GRM1: variants seen among roughly 807,000 people sequenced by gnomAD.
GRM1 encodes the protein metabotropic glutamate receptor 1.
Under a neutral mutation model 90.9 loss-of-function variants are expected in GRM1, and 33 were observed. The observed-to-expected ratio is 0.36, with a 90% CI of 0.28 to 0.49. The LOEUF is 0.49. Among genes scored for constraint, GRM1 ranks in the 20% least tolerant of loss-of-function variants. The pLI is 0.99. For synonymous variants in GRM1, 700 were observed against 613.2 expected (o/e 1.14, Z -2.09); for missense variants, 1,190 against 1,534.3 (o/e 0.78, Z 3.75).
At chr6:146,246,799 T>G (rs1781075133) in intron 2 of GRM1, among the ~76,000 whole-genome samples, 1 of 152,204 alleles carries the variant, frequency 6.6e-6, no homozygotes, top group African/African-American at 2.4e-5. Context: ...CTCTTTTGGT[T>G]CCAAGTTATA....
At chr6:146,073,444 A>G (rs1355686513) in intron 1 of GRM1, among the ~76,000 whole-genome samples, 6 of 152,176 alleles carry the variant, frequency 3.9e-5, no homozygotes, top group Admixed American at 3.9e-4. Context: ...CTTGTTTGCT[A>G]TGCAAATGGC....
At chr6:146,118,576 T>G (rs1775855125) in intron 1 of GRM1, among the ~76,000 whole-genome samples, 1 of 152,246 alleles carries the variant, frequency 6.6e-6, no homozygotes, top group African/African-American at 2.4e-5. Flanking sequence ...TATCTCCTAA[T>G]GCTATCCCTC....
chr6:146,078,568 T>C (rs977122369), intron 1 of GRM1, among the ~76,000 whole-genome samples: 1 of 152,168 alleles, frequency 6.6e-6, no homozygotes, highest in African/African-American at 2.4e-5. Flanking sequence ...TGGCATAAAA[T>C]GTGGATATAG....
At chr6:146,340,681 G>T (rs1784941825) in intron 3 of GRM1, among the ~76,000 whole-genome samples, 2 of 152,182 alleles carry the variant, frequency 1.3e-5, no homozygotes, top group Non-Finnish European at 2.9e-5. Context: ...AAGCAGCTGG[G>T]ACTACAGGCA....
Position 146,270,843 on chromosome 6 carries a change from C to CTT in GRM1, c.951-33766_951-33765dup, listed in dbSNP as rs1393238681. ...TCTGCCTGCCTGCCTGCCTGCCTTTCTTTCTTTTTCTTTCTTTCTTTCTTT... is the reference window on the plus strand; with the variant it reads ...TCTGCCTGCCTGCCTGCCTGCCTTTCTTTTTCTTTTTCTTTCTTTCTTTCTTT... On this transcript the variant is annotated intron_variant, in intron 2 of 7. Transcript: ENST00000282753. Among the ~76,000 whole-genome samples, 193 of 128,556 alleles carry CTT rather than the reference C, an allele frequency of 1.5e-3. 2 individuals are homozygous for CTT. The highest frequency in any genetic ancestry group is 5.0e-3 in the African/African-American group (131 of 26,336). 84.3% of individuals were successfully genotyped at this position (128,556 alleles called of 152,430 possible). A position where few individuals can be genotyped will look rare whatever the true frequency, so the allele number is the denominator to read the frequency against.
intron 7 of GRM1, among the ~76,000 whole-genome samples, chr6:146,403,884 T>C (rs749763231): frequency 5.9e-5 from 9 of 152,176 alleles, no homozygotes; most frequent in African/African-American, 1.2e-4. Flanking sequence ...TTTCAATACC[T>C]GAATGCCATG....
chr6:146,118,959 A>G (rs1775872346), intron 1 of GRM1, among the ~76,000 whole-genome samples: 1 of 152,218 alleles, frequency 6.6e-6, no homozygotes, highest in Non-Finnish European at 1.5e-5. Context: ...TATACCCAGT[A>G]ATGGGATTGC....
intron 2 of GRM1, among the ~76,000 whole-genome samples, chr6:146,170,059 C>CT (rs889989875): frequency 7.9e-5 from 12 of 152,042 alleles, no homozygotes; most frequent in South Asian, 4.2e-4. Context: ...TGGCTAACAA[C>CT]TTTTTTTTCC....
chr6:146,095,825 C>T (rs546851797), intron 1 of GRM1, among the ~76,000 whole-genome samples: 2 of 152,208 alleles, frequency 1.3e-5, no homozygotes, highest in South Asian at 4.2e-4. Context: ...TTGGAGGGAG[C>T]TTGACTTAGA....
chr6:146,074,354 A>G (rs1034894658), intron 1 of GRM1, among the ~76,000 whole-genome samples: 3 of 152,042 alleles, frequency 2.0e-5, no homozygotes, highest in Admixed American at 1.3e-4. Flanking sequence ...AAGAAGAGTA[A>G]TAAGGATGAT....
At chr6:146,087,761 C>T (rs916964538) in intron 1 of GRM1, among the ~76,000 whole-genome samples, 8 of 152,264 alleles carry the variant, frequency 5.3e-5, no homozygotes, top group Non-Finnish European at 7.4e-5. Context: ...CAATTTGTTG[C>T]GTGCCTCAAA....
intron 7 of GRM1, among the ~76,000 whole-genome samples, chr6:146,422,024 A>G (rs1255923299): frequency 6.6e-6 from 1 of 152,192 alleles, no homozygotes; most frequent in Non-Finnish European, 1.5e-5. Context: ...AATGGTCTTG[A>G]GTGGTGGCTG....
At chr6:146,269,276 C>T (rs1402086975) in intron 2 of GRM1, among the ~76,000 whole-genome samples, 2 of 152,196 alleles carry the variant, frequency 1.3e-5, no homozygotes, top group African/African-American at 4.8e-5. Context: ...TCATGTTATA[C>T]TTGAATGAAA....
At chr6:146,226,599 G>T (rs892942934) in intron 2 of GRM1, among the ~76,000 whole-genome samples, 1 of 152,098 alleles carries the variant, frequency 6.6e-6, no homozygotes, top group South Asian at 2.1e-4. Context: ...GTATAATTGG[G>T]TGTGCATTAT....
chr6:146,129,391 T>G (rs981024172), intron 1 of GRM1, among the ~76,000 whole-genome samples: 1 of 152,164 alleles, frequency 6.6e-6, no homozygotes, highest in African/African-American at 2.4e-5. Context: ...AATTCCCGTG[T>G]GTGTGTGAGT....
intron 2 of GRM1, among the ~76,000 whole-genome samples, chr6:146,160,530 T>A (rs1316116000): frequency 6.6e-6 from 1 of 152,202 alleles, no homozygotes; most frequent in African/African-American, 2.4e-5. Flanking sequence ...CACACTCATC[T>A]TCCGAAGCTC....
At chr6:146,179,201 G>A (rs1329958257) in intron 2 of GRM1, among the ~76,000 whole-genome samples, 2 of 152,168 alleles carry the variant, frequency 1.3e-5, no homozygotes, top group Non-Finnish European at 2.9e-5. Context: ...GACTAACACT[G>A]ACTAGTGCAA....
At chr6:146,199,580 C>T (rs1779229544) in intron 2 of GRM1, among the ~76,000 whole-genome samples, 1 of 152,170 alleles carries the variant, frequency 6.6e-6, no homozygotes, top group Admixed American at 6.5e-5. Context: ...ATCAGACTCA[C>T]TGTATTCCTA....
chr6:146,296,909 C>T (rs535209588), intron 2 of GRM1, among the ~76,000 whole-genome samples: 1 of 152,170 alleles, frequency 6.6e-6, no homozygotes, highest in African/African-American at 2.4e-5. Context: ...AGCTGTCTGA[C>T]TTCTACGATT....
Sources: allele counts gnomAD v4.1 joint callset (sites outside exome capture counted in the v4.1 genomes callset), GRCh38; gene constraint gnomAD v4.1.1; transcripts MANE v1.5; gene names NCBI Gene and HGNC (gene_info 2026-07-23, HGNC 2026-07-21).